Variants in RAET1E observed in about 807,000 individuals in gnomAD.
RAET1E encodes NKG2D ligand 4.
In RAET1E, 27 loss-of-function variants were observed where a neutral mutation model predicts 21.1. The observed-to-expected ratio is 1.28, with a 90% CI of 0.94 to 1.76. The LOEUF (loss-of-function observed/expected upper bound fraction) is 1.76. Among genes scored for constraint, RAET1E ranks in the 40% most tolerant of loss-of-function variants. The probability of loss-of-function intolerance (pLI) is 0.00; values close to 1 mark genes in which losing one functional copy is unlikely to be tolerated. For missense variants in RAET1E, 310 were observed against 311.3 expected, an observed-to-expected ratio of 1.00 and a Z score of 0.03; for synonymous variants, 113 against 115.0, an observed-to-expected ratio of 0.98 and a Z score of 0.11.
rs1777647492 is a variant in RAET1E, at chr6:149,887,145, G to A, written c.*1353C>T. Among the ~76,000 whole-genome samples the A allele has an allele frequency of 6.6e-6, 1 of 152,186 alleles. No individual in the cohort carries two copies. The highest frequency in any genetic ancestry group is 1.5e-5 in the Non-Finnish European group (1 of 68,036). Reference sequence around the variant, plus strand: ...ACTCGGTTACCAGGATGAGGCTAGAGGCCAGGAACTCCCAGGTGTCTATGG... The same window carrying A: ...ACTCGGTTACCAGGATGAGGCTAGAAGCCAGGAACTCCCAGGTGTCTATGG... On this transcript the variant is annotated 3_prime_UTR_variant, in exon 6 of 6. Coordinates refer to ENST00000357183, the MANE Select transcript of RAET1E (RefSeq NM_001394057.1).
chr6:149,892,293 A>G (rs2115517056), intron 2 of RAET1E, among the ~76,000 whole-genome samples: 1 of 152,348 alleles, frequency 6.6e-6, no homozygotes, highest in South Asian at 2.1e-4. Context: ...ACTGTCTTCC[A>G]CAATGTTTGA....
At position 149,888,325 on chromosome 6, in the gene RAET1E, G is replaced by T; in HGVS notation, c.*173C>A. The T allele has an allele frequency of 1.2e-6, 1 of 823,782 alleles. No individual in the cohort carries two copies. Among genetic ancestry groups the T allele is most frequent in the Non-Finnish European group, 2.0e-6 (1 of 508,164 alleles). The allele number at this position is 823,782 out of a possible 1,614,324, so 51.0% of individuals were successfully genotyped here. Reference sequence around the variant, plus strand: ...CAGATCTTTGACCTTGCCCCTCCTCGAGAGGAGATGATTGCTTCATCCCTC... The same window carrying T: ...CAGATCTTTGACCTTGCCCCTCCTCTAGAGGAGATGATTGCTTCATCCCTC... On this transcript the variant is annotated 3_prime_UTR_variant, in exon 6 of 6. Transcript: ENST00000357183.
At chr6:149,891,777 G>A (rs891052974) in intron 2 of RAET1E, among the ~76,000 whole-genome samples, 6 of 152,116 alleles carry the variant, frequency 3.9e-5, no homozygotes, top group African/African-American at 1.4e-4. Context: ...TGTGCAGAAC[G>A]TGTAGTTTTG....
chr6:149,896,442 G>T (rs185467666), intron 1 of RAET1E, among the ~76,000 whole-genome samples: 5 of 152,274 alleles, frequency 3.3e-5, no homozygotes, highest in Non-Finnish European at 7.4e-5. Flanking sequence ...GTCTGCTAAG[G>T]TTAAAGAACC....
At chr6:149,892,477 C>T (rs1777946049) in intron 2 of RAET1E, among the ~76,000 whole-genome samples, 1 of 152,218 alleles carries the variant, frequency 6.6e-6, no homozygotes, top group Non-Finnish European at 1.5e-5. Context: ...AGCATTTTTT[C>T]ATATGTCTGT....
At chr6:149,897,755 C>T (rs577154053) in intron 1 of RAET1E, among the ~76,000 whole-genome samples, 3 of 152,164 alleles carry the variant, frequency 2.0e-5, no homozygotes, top group African/African-American at 7.2e-5. Context: ...GAGAGAGGGG[C>T]GATTGGGACT....
chr6:149,883,423 C>T lies in RAET1E; in HGVS notation c.*5075G>A, dbSNP rs998103231. On this transcript the variant is annotated 3_prime_UTR_variant, in exon 6 of 6. Coordinates refer to ENST00000357183, the MANE Select transcript of RAET1E (RefSeq NM_001394057.1). The stretch of plus-strand genomic sequence containing the variant: ...TCAGAAAGAACTACTTGTGTCTGGG[C>T]TCAGTGGCTCATGCTATAATCCCAG... 6 of 150,402 alleles carry T rather than the reference C, an allele frequency of 4.0e-5. No homozygotes were observed. The highest frequency in any genetic ancestry group is 8.8e-5 in the Non-Finnish European group (6 of 67,858). 9.3% of individuals were successfully genotyped at this position (150,402 alleles called of 1,614,324 possible).
chr6:149,889,284 CCA>C, intron 5 of RAET1E, 62 bp downstream of exon 5: 4 of 1,588,140 alleles, frequency 2.5e-6, no homozygotes, highest in South Asian at 1.2e-5. Flanking sequence ...ACACTGACAC[CCA>C]CACAGGGAAG....
intron 2 of RAET1E, chr6:149,895,506 C>T (rs1778081589): frequency 6.6e-6 from 1 of 152,244 alleles, no homozygotes; most frequent in Non-Finnish European, 1.5e-5. Flanking sequence ...AAAACCATTT[C>T]CTCAAGCCTC....
At chr6:149,889,083 G>C (rs557625983) in intron 5 of RAET1E, 1 of 1,406,664 alleles carries the variant, frequency 7.1e-7, no homozygotes, top group Non-Finnish European at 9.2e-7. Context: ...GACACAGATA[G>C]ACTTGGGACC....
At position 149,888,113 on chromosome 6, in the gene RAET1E, T is replaced by C; in HGVS notation, c.*385A>G. 2.0e-6 allele frequency: 1 copy of C among 488,084 alleles called. No individual in the cohort carries two copies. The highest frequency in any genetic ancestry group is 4.0e-6 in the Non-Finnish European group (1 of 248,098). The allele number at this position is 488,084 out of a possible 1,614,324, so 30.2% of individuals were successfully genotyped here. On this transcript the variant is annotated 3_prime_UTR_variant, in exon 6 of 6. Transcript: ENST00000357183. ...AGGATTTCTTATACCACATCTTGTA[T>C]GTTATCTGGGAGTAAATGCTGCAGC...
rs1341579149 is a variant in RAET1E at position 149,889,473 on chromosome 6, T to G, written c.497A>C (p.Lys166Thr). The change falls in exon 5 of 6, where the codon AAG becomes ACG. Residue 166 changes from lysine to threonine, a missense_variant. Lys to Thr is a moderately conservative substitution (Grantham distance 78, BLOSUM62 -1). Coordinates refer to ENST00000357183, the MANE Select transcript of RAET1E (RefSeq NM_001394057.1). ...TWTVINHEAS[K>T]IKETWKKDRG... ...GTCTTTCTTCCATGTCTCCTTGATC[T>G]TACTGGCTTCATGATTAATTACTGT... The G allele has an allele frequency of 6.2e-7, 1 of 1,614,212 alleles. No individual in the cohort carries two copies.
chr6:149,895,036 G>C (rs1562469487), intron 2 of RAET1E, among the ~76,000 whole-genome samples: 1 of 152,168 alleles, frequency 6.6e-6, no homozygotes, highest in Non-Finnish European at 1.5e-5. Context: ...GTCTGCTGGA[G>C]TTTGCCGGTG....
chr6:149,890,589 C>T (rs9397060), intron 3 of RAET1E, among the ~76,000 whole-genome samples: 22,182 of 152,050 alleles, frequency 0.15, 2,219 homozygotes, highest in East Asian at 0.55. Flanking sequence ...GAGTAGAAGG[C>T]GGGGGGTAGC....
chr6:149,892,146 T>C (rs887198529), intron 2 of RAET1E, among the ~76,000 whole-genome samples: 2 of 152,178 alleles, frequency 1.3e-5, no homozygotes, highest in African/African-American at 4.8e-5. Context: ...TTTGCTATTG[T>C]GAATAGTGCC....
chr6:149,890,293 T>C, intron 3 of RAET1E, 148 bp from the exon 4 acceptor site: 1 of 765,126 alleles, frequency 1.3e-6, no homozygotes, highest in Non-Finnish European at 2.1e-6. Context: ...TCTGGATCCC[T>C]GTTCCCATCT....
At chr6:149,897,618 G>A (rs1006912321) in intron 1 of RAET1E, among the ~76,000 whole-genome samples, 1 of 152,172 alleles carries the variant, frequency 6.6e-6, no homozygotes, top group Admixed American at 6.5e-5. Context: ...GCCAAGGCCC[G>A]GCAGAGCGAG....
intron 2 of RAET1E, among the ~76,000 whole-genome samples, chr6:149,892,164 A>G (rs1405165165): frequency 6.6e-6 from 1 of 152,216 alleles, no homozygotes; most frequent in African/African-American, 2.4e-5. Context: ...GCCACAATAA[A>G]CATACGTGTG....
In RAET1E at chr6:149,896,012, A is replaced by C. The variant is rs1212980201; in HGVS notation, c.-300T>G. ...TCACTTCTTAATCCCACATGGCTCC[A>C]CTCACATGAGTTATGACTTCCTAAA... On this transcript the variant is annotated 5_prime_UTR_variant, in exon 2 of 6. Transcript: ENST00000357183. The C allele has an allele frequency of 3.3e-5, 5 of 152,180 alleles. No homozygotes were observed. The highest frequency in any genetic ancestry group is 3.3e-4 in the Admixed American group (5 of 15,272). 9.4% of individuals were successfully genotyped at this position (152,180 alleles called of 1,614,324 possible). A position where few individuals can be genotyped will look rare whatever the true frequency, so the allele number is the denominator to read the frequency against.
Sources: allele counts gnomAD v4.1 joint callset (sites outside exome capture counted in the v4.1 genomes callset), GRCh38; gene constraint gnomAD v4.1.1; transcripts MANE v1.5; gene names NCBI Gene and HGNC (gene_info 2026-07-23, HGNC 2026-07-21).